The following GALNT13 variants were observed in gnomAD, a reference collection of about 807,000 sequenced individuals.
The protein encoded by GALNT13 is UDP-GalNAc:polypeptide N-acetylgalactosaminyltransferase 13.
A neutral mutation model predicts 64.2 loss-of-function variants in GALNT13; 28 were observed. The observed-to-expected ratio is 0.44, with a 90% CI of 0.32 to 0.60. GALNT13 has a LOEUF of 0.60. Ranked by LOEUF, GALNT13 falls within the 20% of genes least tolerant of loss-of-function variation. GALNT13 has a pLI of 0.05. For missense variants in GALNT13, 577 were observed against 669.8 expected (o/e 0.86, Z 1.53); for synonymous variants, 214 against 224.6 (o/e 0.95, Z 0.42).
chr2:154,365,176 T>C (rs984243229), intron 9 of GALNT13, among the ~76,000 whole-genome samples: 2 of 152,314 alleles, frequency 1.3e-5, no homozygotes, highest in African/African-American at 4.8e-5. Context: ...AGAGGCTTTA[T>C]TTATCCATTT....
the GALNT13 span, among the ~76,000 whole-genome samples, chr2:153,281,543 A>G: frequency 6.1e-3 from 926 of 152,250 alleles, 11 homozygotes; most frequent in African/African-American, 0.021. Context: ...CAGGTTTAGA[A>G]TTCTCTTAAG....
the GALNT13 span, among the ~76,000 whole-genome samples, chr2:153,535,763 G>A: frequency 6.6e-6 from 1 of 152,250 alleles, no homozygotes; most frequent in African/African-American, 2.4e-5. Flanking sequence ...TCTTGAAGAC[G>A]GAGGACCATA....
the GALNT13 span, among the ~76,000 whole-genome samples, chr2:153,253,936 G>T: frequency 1.3e-5 from 2 of 151,992 alleles, no homozygotes; most frequent in Non-Finnish European, 1.5e-5. Flanking sequence ...TGTCTTTTTT[G>T]GTTGTGTCTC....
chr2:154,032,418 T>G (rs1329260538), intron 3 of GALNT13, among the ~76,000 whole-genome samples: 1 of 151,960 alleles, frequency 6.6e-6, no homozygotes, highest in African/African-American at 2.4e-5. Flanking sequence ...ACTTTCGATT[T>G]ATCTAATACT....
At chr2:154,402,400 A>G (rs1471297269) in intron 10 of GALNT13, among the ~76,000 whole-genome samples, 1 of 152,238 alleles carries the variant, frequency 6.6e-6, no homozygotes, top group Non-Finnish European at 1.5e-5. Flanking sequence ...ATTTAGAAAA[A>G]GTCTTGCTGA....
chr2:154,100,723 A>C (rs565094880), intron 3 of GALNT13, among the ~76,000 whole-genome samples: 2 of 152,202 alleles, frequency 1.3e-5, no homozygotes, highest in South Asian at 4.2e-4. Context: ...TGCTCTGGTT[A>C]GGAATTCCAG....
the GALNT13 span, among the ~76,000 whole-genome samples, chr2:153,328,602 T>C: frequency 6.6e-6 from 1 of 152,164 alleles, no homozygotes; most frequent in East Asian, 1.9e-4. Context: ...TTTGTTTACA[T>C]TGTGAGGGGA....
At chr2:154,412,837 ACTGT>A (rs966428413) in intron 11 of GALNT13, among the ~76,000 whole-genome samples, 1 of 151,820 alleles carries the variant, frequency 6.6e-6, no homozygotes, top group Non-Finnish European at 1.5e-5. Flanking sequence ...ATAAATAAAA[ACTGT>A]CTTACTCAAA....
At chr2:153,159,414 C>G in the GALNT13 span, 1 of 152,290 alleles carries the variant, frequency 6.6e-6, no homozygotes, top group Non-Finnish European at 1.5e-5. Flanking sequence ...TCACAGCAGG[C>G]TGTGGGTCAC....
At chr2:154,037,049 G>GT (rs1453786306) in intron 3 of GALNT13, among the ~76,000 whole-genome samples, 3 of 152,048 alleles carry the variant, frequency 2.0e-5, no homozygotes, top group Non-Finnish European at 2.9e-5. Flanking sequence ...ACCTTTTATG[G>GT]TTTAAAAAAG....
At chr2:154,076,824 G>C (rs1328822716) in intron 3 of GALNT13, among the ~76,000 whole-genome samples, 1 of 151,516 alleles carries the variant, frequency 6.6e-6, no homozygotes, top group Admixed American at 6.6e-5. Flanking sequence ...ACCAACCAAG[G>C]AAACACTTAT....
chr2:153,435,042 A>C, the GALNT13 span, among the ~76,000 whole-genome samples: 43 of 152,158 alleles, frequency 2.8e-4, no homozygotes, highest in African/African-American at 9.4e-4. Context: ...TCAGCTTTCT[A>C]CATATGGCTA....
At chr2:153,093,061 A>T in the GALNT13 span, among the ~76,000 whole-genome samples, 32 of 151,514 alleles carry the variant, frequency 2.1e-4, no homozygotes, top group African/African-American at 7.3e-4. Context: ...TTTAATCATG[A>T]AGAGATCTTG....
At chr2:154,278,033 T>A (rs185849796) in intron 8 of GALNT13, among the ~76,000 whole-genome samples, 112 of 152,308 alleles carry the variant, frequency 7.4e-4, no homozygotes, top group African/African-American at 2.3e-3. Flanking sequence ...TAGTAATATG[T>A]GATCCCTGAC....
chr2:154,385,873 A>G (rs1344665952), intron 9 of GALNT13, among the ~76,000 whole-genome samples: 2 of 152,050 alleles, frequency 1.3e-5, no homozygotes, highest in Non-Finnish European at 2.9e-5. Flanking sequence ...AATATTTGTC[A>G]GATATAGGAA....
chr2:153,482,797 T>C, the GALNT13 span, among the ~76,000 whole-genome samples: 1 of 151,782 alleles, frequency 6.6e-6, no homozygotes, highest in South Asian at 2.1e-4. Flanking sequence ...ATCCTCTATG[T>C]ACCTCATTTA....
chr2:153,808,624 A>G, the GALNT13 span, among the ~76,000 whole-genome samples: 4 of 152,154 alleles, frequency 2.6e-5, no homozygotes, highest in African/African-American at 4.8e-5. Flanking sequence ...AAAATCTCAT[A>G]TATAAGAACC....
At chr2:153,528,781 A>G in the GALNT13 span, among the ~76,000 whole-genome samples, 1 of 152,026 alleles carries the variant, frequency 6.6e-6, no homozygotes, top group South Asian at 2.1e-4. Flanking sequence ...GTTTGAAACT[A>G]TGCAAATACA....
chr2:153,941,842 T>C (rs1337883474), intron 2 of GALNT13, among the ~76,000 whole-genome samples: 1 of 152,164 alleles, frequency 6.6e-6, no homozygotes, highest in African/African-American at 2.4e-5. Context: ...CATAATTACA[T>C]AAGAAGTTTA....
Sources: gnomAD v4.1 joint callset for allele counts (sites outside exome capture counted in the v4.1 genomes callset) on GRCh38, gnomAD v4.1.1 for gene constraint, MANE v1.5 for transcripts, NCBI Gene and HGNC (gene_info 2026-07-23, HGNC 2026-07-21) for gene names.